The following BCAS3 variants were observed in gnomAD, a reference collection of about 807,000 sequenced individuals.
The protein encoded by BCAS3 is BCAS4/BCAS3 fusion.
A neutral mutation model predicts 116.1 loss-of-function variants in BCAS3; 53 were observed. The ratio of observed to expected loss-of-function variants is 0.46; its 90% CI spans 0.37 to 0.57. BCAS3 has a LOEUF of 0.57. Ranked by LOEUF, BCAS3 falls within the 20% of genes least tolerant of loss-of-function variation. BCAS3 has a pLI of 0.00. For synonymous variants in BCAS3, 391 were observed against 408.2 expected (o/e 0.96, Z 0.51); for missense variants, 917 against 1,165.4 (o/e 0.79, Z 3.10).
chr17:61,383,694 G>A (rs898203631), intron 23 of BCAS3: 10 of 152,286 alleles, frequency 6.6e-5, no homozygotes, highest in African/African-American at 1.9e-4. Flanking sequence ...AGGAACGCGC[G>A]TCTGCCTGTG....
chr17:61,267,055 G>GTTGT (rs894199563), intron 22 of BCAS3, among the ~76,000 whole-genome samples: 2 of 152,114 alleles, frequency 1.3e-5, no homozygotes, highest in African/African-American at 2.4e-5. Context: ...TTTTTGTGTT[G>GTTGT]TTGTTTGTTT....
chr17:61,067,313 A>ATT (rs2070774201), intron 19 of BCAS3, among the ~76,000 whole-genome samples: 1 of 131,764 alleles, frequency 7.6e-6, no homozygotes, highest in African/African-American at 2.9e-5. Flanking sequence ...ATATATATAT[A>ATT]TATTTATACA....
intron 14 of BCAS3, among the ~76,000 whole-genome samples, chr17:60,983,663 G>C (rs2062951158): frequency 6.6e-6 from 1 of 152,206 alleles, no homozygotes; most frequent in East Asian, 1.9e-4. Flanking sequence ...AAAAATGAAA[G>C]AAAGAAACTC....
Position 61,128,510 on chromosome 17 carries a change from A to C in BCAS3, c.2425+43946A>C. 2 of 985,404 alleles carry C rather than the reference A, an allele frequency of 2.0e-6. No homozygotes were observed. The highest frequency in any genetic ancestry group is 2.4e-6 in the Non-Finnish European group (2 of 829,904). The allele number at this position is 985,404 out of a possible 1,614,324, so 61.0% of individuals were successfully genotyped here. A position where few individuals can be genotyped will look rare whatever the true frequency, so the allele number is the denominator to read the frequency against. On this transcript the variant is annotated intron_variant, in intron 22 of 23. Transcript: ENST00000407086. The surrounding 1 kb of genome is among the most constrained non-coding windows in gnomAD (Gnocchi z 4.1). ...GACAGAGGTTAACAAGCAATGGACA[A>C]ACCTTCCGTTCTTCTCTATCCCAAA...
In BCAS3 at chr17:60,826,434, C is replaced by T. The variant is rs942428489; in HGVS notation, c.476+18358C>T. Among the ~76,000 whole-genome samples, 8 of 152,224 alleles carry T rather than the reference C, an allele frequency of 5.3e-5. No homozygotes were observed. The South Asian group carries it at 1.0e-3, about 20-fold the overall frequency. Reference sequence around the variant, plus strand: ...AAGTGATTCTCTCGTGTCGGCCTCTCAAAGTGCTGGGATTACAGGCGTGAG... The same window carrying T: ...AAGTGATTCTCTCGTGTCGGCCTCTTAAAGTGCTGGGATTACAGGCGTGAG... On this transcript the variant is annotated intron_variant, in intron 7 of 23. Transcript: ENST00000407086.
intron 8 of BCAS3, among the ~76,000 whole-genome samples, chr17:60,873,051 G>A (rs2055276146): frequency 6.6e-6 from 1 of 152,144 alleles, no homozygotes. Context: ...TGTAGGCAAG[G>A]TGGTCTGAGG....
intron 7 of BCAS3, among the ~76,000 whole-genome samples, chr17:60,863,657 G>C (rs1182104322): frequency 2.6e-5 from 4 of 152,116 alleles, no homozygotes; most frequent in Non-Finnish European, 1.5e-5. Context: ...AGGATGCTGT[G>C]ACTAGAGGAT....
intron 5 of BCAS3, among the ~76,000 whole-genome samples, chr17:60,742,400 A>G (rs1445152414): frequency 6.6e-6 from 1 of 152,100 alleles, no homozygotes; most frequent in East Asian, 1.9e-4. Context: ...CAGCATTTCA[A>G]AATCTTTCAC....
At chr17:60,694,968 C>G (rs2035386873) in intron 4 of BCAS3, among the ~76,000 whole-genome samples, 1 of 152,040 alleles carries the variant, frequency 6.6e-6, no homozygotes, top group Non-Finnish European at 1.5e-5. Context: ...CTTTAGGGAC[C>G]TCACATGGGT....
intron 22 of BCAS3, among the ~76,000 whole-genome samples, chr17:61,250,813 G>T (rs1264274234): frequency 6.6e-6 from 1 of 152,188 alleles, no homozygotes; most frequent in Non-Finnish European, 1.5e-5. Flanking sequence ...ACCTGAAAAC[G>T]AGTGATCAAC....
chr17:60,984,755 A>G (rs2063021992), intron 14 of BCAS3, among the ~76,000 whole-genome samples: 1 of 152,100 alleles, frequency 6.6e-6, no homozygotes, highest in Admixed American at 6.5e-5. Context: ...CACGCCTGTA[A>G]TCCCAGCATT....
intron 22 of BCAS3, among the ~76,000 whole-genome samples, chr17:61,338,294 G>A (rs16945147): frequency 0.15 from 22,366 of 152,076 alleles, 2,526 homozygotes; most frequent in African/African-American, 0.31. Flanking sequence ...TTTGGCCACC[G>A]CTCTCAAATT....
At chr17:60,811,176 G>A in intron 7 of BCAS3, 1 of 656,836 alleles carries the variant, frequency 1.5e-6, no homozygotes, top group Non-Finnish European at 2.8e-6. Flanking sequence ...AGATGGGGCA[G>A]ATCCTGTAGA....
chr17:60,894,016 G>C (rs1347404984), intron 10 of BCAS3, among the ~76,000 whole-genome samples: 1 of 151,854 alleles, frequency 6.6e-6, no homozygotes, highest in African/African-American at 2.4e-5. Flanking sequence ...TTTTTGCTTA[G>C]GACCGCTTTG....
intron 19 of BCAS3, among the ~76,000 whole-genome samples, chr17:61,066,790 A>T (rs747160512): frequency 1.8e-4 from 28 of 152,076 alleles, no homozygotes; most frequent in Non-Finnish European, 3.5e-4. Flanking sequence ...TTGAAATGTT[A>T]GGTTTAAATT....
At position 61,344,267 on chromosome 17, in the gene BCAS3, T is replaced by C. The variant is rs549835560; in HGVS notation, c.2426-24060T>C. 1.3e-5 allele frequency among the ~76,000 whole-genome samples: 2 copies of C among 152,238 alleles called. No individual in the cohort carries two copies. The highest frequency in any genetic ancestry group is 4.2e-4 in the South Asian group (2 of 4,814). On this transcript the variant is annotated intron_variant, in intron 22 of 23. Coordinates refer to ENST00000407086, the MANE Select transcript of BCAS3 (RefSeq NM_017679.5). The surrounding 1 kb of genome is among the most constrained non-coding windows in gnomAD (Gnocchi z 4.1). ...ATTAAAAAAAAAAAATCCCCTTGCT[T>C]TTAAAGAGCCAACCTCTTACCAGTT...
chr17:60,748,141 A>G (rs1259076309), intron 6 of BCAS3, among the ~76,000 whole-genome samples: 1 of 152,204 alleles, frequency 6.6e-6, no homozygotes, highest in Non-Finnish European at 1.5e-5. Context: ...CCAGAAGTGA[A>G]AAAAATCTTA....
intron 6 of BCAS3, among the ~76,000 whole-genome samples, chr17:60,752,155 G>GGTGTGTGTGT (rs55713453): frequency 2.8e-5 from 4 of 144,676 alleles, no homozygotes; most frequent in Admixed American, 7.0e-5. Flanking sequence ...TTGGCTGAAG[G>GGTGTGTGTGT]GTGTGTGTGT....
At chr17:61,334,687 A>C (rs1284959995) in intron 22 of BCAS3, among the ~76,000 whole-genome samples, 1 of 151,602 alleles carries the variant, frequency 6.6e-6, no homozygotes, top group Non-Finnish European at 1.5e-5. Context: ...AAAAAAAAAA[A>C]AACACCAAGA....
Sources: allele counts gnomAD v4.1 joint callset (sites outside exome capture counted in the v4.1 genomes callset), GRCh38; gene constraint gnomAD v4.1.1; non-coding constraint Gnocchi (gnomAD v3.1); transcripts MANE v1.5; gene names NCBI Gene and HGNC (gene_info 2026-07-23, HGNC 2026-07-21).